DNAH7: variants seen among roughly 807,000 people sequenced by gnomAD.
DNAH7 encodes axonemal beta dynein heavy chain 7.
Under a neutral mutation model 444.6 loss-of-function variants are expected in DNAH7, and 397 were observed. The ratio of observed to expected loss-of-function variants is 0.89; its 90% confidence interval spans 0.82 to 0.97. DNAH7 has a LOEUF of 0.97. DNAH7 is among the 50% of genes least tolerant of loss of function. The pLI is 0.00. For missense variants in DNAH7, 4,902 were observed against 4,800.8 expected (o/e 1.02, Z -0.62); for synonymous variants, 1,636 against 1,624.4 (o/e 1.01, Z -0.17).
intron 57 of DNAH7, among the ~76,000 whole-genome samples, chr2:195,787,476 A>G (rs541369554): frequency 2.0e-5 from 3 of 152,324 alleles, no homozygotes; most frequent in South Asian, 2.1e-4. Flanking sequence ...CTGAAGCATC[A>G]TAAGGCAACA....
chr2:195,993,473 C>A (rs761750136), intron 12 of DNAH7, among the ~76,000 whole-genome samples: 20 of 152,116 alleles, frequency 1.3e-4, no homozygotes, highest in Non-Finnish European at 2.5e-4. Flanking sequence ...TAGGCATTTA[C>A]TACAAATCAA....
chr2:195,767,460 G>A (rs929830262), intron 61 of DNAH7, among the ~76,000 whole-genome samples: 5 of 151,854 alleles, frequency 3.3e-5, no homozygotes, highest in Admixed American at 6.6e-5. Flanking sequence ...GGAGTTGTTC[G>A]ACACTTCTAT....
chr2:195,751,223 AAT>A (rs1166834029), intron 63 of DNAH7, among the ~76,000 whole-genome samples: 1 of 152,188 alleles, frequency 6.6e-6, no homozygotes, highest in African/African-American at 2.4e-5. Context: ...GCTGAAAAAT[AAT>A]ATTTCTAAGA....
At chr2:195,834,174 C>T (rs773202875) in intron 48 of DNAH7, 32 bp downstream of exon 48, 6 of 1,578,600 alleles carry the variant, frequency 3.8e-6, no homozygotes, top group Non-Finnish European at 5.2e-6. Context: ...CCAGGCAGTT[C>T]TGTAATGTAT....
chr2:195,749,523 A>G (rs2105898041), intron 63 of DNAH7, among the ~76,000 whole-genome samples: 1 of 152,330 alleles, frequency 6.6e-6, no homozygotes, highest in East Asian at 1.9e-4. Flanking sequence ...CTATTAAGAC[A>G]CATGCACACA....
intron 29 of DNAH7, among the ~76,000 whole-genome samples, chr2:195,896,333 A>C (rs1201868834): frequency 7.4e-6 from 1 of 135,322 alleles, no homozygotes; most frequent in Admixed American, 7.2e-5. Context: ...CTTGTCTTTC[A>C]TTTTCTTATG....
At chr2:195,798,667 CCG>C (rs1315904943) in intron 55 of DNAH7, among the ~76,000 whole-genome samples, 1 of 151,630 alleles carries the variant, frequency 6.6e-6, no homozygotes, top group Non-Finnish European at 1.5e-5. Context: ...CCTCAGCCTC[CCG>C]AGTAGCTGGG....
chr2:195,835,793 G>A (rs1209623332), intron 47 of DNAH7, among the ~76,000 whole-genome samples: 4 of 152,102 alleles, frequency 2.6e-5, no homozygotes, highest in Non-Finnish European at 4.4e-5. Context: ...GCAGTGAGCC[G>A]AGATTGCACC....
chr2:195,920,929 G>C (rs1260360765), intron 24 of DNAH7, among the ~76,000 whole-genome samples: 1 of 152,138 alleles, frequency 6.6e-6, no homozygotes, highest in East Asian at 1.9e-4. Flanking sequence ...ATTATCAAAA[G>C]AAGATATGCA....
chr2:195,799,740 C>CA (rs1477260899), intron 54 of DNAH7, among the ~76,000 whole-genome samples: 1 of 152,126 alleles, frequency 6.6e-6, no homozygotes, highest in Admixed American at 6.5e-5. Flanking sequence ...ATGTTCAAGG[C>CA]ATAGTGGCTG....
Position 195,811,381 on chromosome 2 carries a change from G to T in DNAH7, c.9762-1510C>A, listed in dbSNP as rs1391754929. 2.6e-5 allele frequency among the ~76,000 whole-genome samples: 4 copies of T among 152,160 alleles called. No individual in the cohort carries two copies. In the South Asian group the frequency reaches 8.3e-4, roughly 32 times the overall value. On this transcript the variant is annotated intron_variant, in intron 51 of 64. Transcript: ENST00000312428. ...TTTATTTATTTGTTTGTTTGACAGG[G>T]TCTCTGTCATCAAAGCTGGATTGCA...
chr2:195,740,345 G>A (rs546422414), intron 64 of DNAH7, among the ~76,000 whole-genome samples: 1 of 152,192 alleles, frequency 6.6e-6, no homozygotes, highest in Admixed American at 6.5e-5. Context: ...ATGCCTCAAC[G>A]AAGCTCATAG....
chr2:195,838,134 A>G (rs924906128), intron 47 of DNAH7, among the ~76,000 whole-genome samples: 2 of 152,166 alleles, frequency 1.3e-5, no homozygotes, highest in Non-Finnish European at 2.9e-5. Context: ...CAAACAGTAT[A>G]GTGAAGGCTT....
At chr2:195,953,107 T>A (rs1690383101) in intron 19 of DNAH7, among the ~76,000 whole-genome samples, 1 of 152,180 alleles carries the variant, frequency 6.6e-6, no homozygotes, top group Non-Finnish European at 1.5e-5. Context: ...GACCTTCGGA[T>A]GGGGTTTTTG....
chr2:195,845,437 GTTA>G (rs1559139492), intron 46 of DNAH7, among the ~76,000 whole-genome samples: 2 of 152,134 alleles, frequency 1.3e-5, no homozygotes, highest in African/African-American at 2.4e-5. Context: ...ATTACCAATT[GTTA>G]TTATAAAGCT....
intron 58 of DNAH7, 87 bp downstream of exon 58, chr2:195,786,923 T>C: frequency 7.5e-7 from 1 of 1,339,434 alleles, no homozygotes; most frequent in East Asian, 2.4e-5. Context: ...GAGTAGAAAT[T>C]AATCAGAAGT....
chr2:196,065,642 T>C (rs1489788034), intron 1 of DNAH7, among the ~76,000 whole-genome samples: 2 of 152,190 alleles, frequency 1.3e-5, no homozygotes, highest in East Asian at 3.8e-4. Flanking sequence ...AGGATATTTG[T>C]TTCCTAGTCT....
At chr2:195,801,252 G>C (rs576932576) in intron 54 of DNAH7, among the ~76,000 whole-genome samples, 6 of 151,744 alleles carry the variant, frequency 4.0e-5, no homozygotes, top group Non-Finnish European at 8.8e-5. Context: ...TCAATTTCTC[G>C]TCTATTAACT....
intron 46 of DNAH7, 115 bp from the exon 47 acceptor site, chr2:195,845,280 C>G (rs1285840057): frequency 1.3e-6 from 1 of 772,784 alleles, no homozygotes; most frequent in Non-Finnish European, 1.9e-6. Flanking sequence ...TGTGGAAACT[C>G]TACCTCAAAA....
Sources: gnomAD v4.1 joint callset for allele counts (sites outside exome capture counted in the v4.1 genomes callset) on GRCh38, gnomAD v4.1.1 for gene constraint, MANE v1.5 for transcripts, NCBI Gene and HGNC (gene_info 2026-07-23, HGNC 2026-07-21) for gene names.